CACNB2: variants seen among roughly 807,000 people sequenced by gnomAD.
CACNB2 encodes the protein voltage-dependent L-type calcium channel subunit beta-2.
A neutral mutation model predicts 73.3 loss-of-function variants in CACNB2; 42 were observed. That is an observed-to-expected ratio of 0.57 (90% CI 0.45 to 0.74). The LOEUF is 0.74. Among genes scored for constraint, CACNB2 ranks in the 30% least tolerant of loss-of-function variants. The pLI is 0.00. For missense variants in CACNB2, 940 were observed against 853.0 expected (o/e 1.10, Z -1.27); for synonymous variants, 348 against 310.3 (o/e 1.12, Z -1.28).
At chr10:18,194,540 A>T (rs975970741) in intron 2 of CACNB2, among the ~76,000 whole-genome samples, 9 of 152,206 alleles carry the variant, frequency 5.9e-5, no homozygotes, top group African/African-American at 2.2e-4. Context: ...AGGGCAACCA[A>T]CAAAGGCTTT....
chr10:18,528,655 A>G (rs888951414), intron 10 of CACNB2, among the ~76,000 whole-genome samples: 3 of 152,060 alleles, frequency 2.0e-5, no homozygotes, highest in African/African-American at 7.2e-5. Context: ...GATACATTAT[A>G]GAACTCAGTT....
At chr10:18,532,697 C>CAAAAA (rs1187679628) in intron 10 of CACNB2, among the ~76,000 whole-genome samples, 2 of 125,112 alleles carry the variant, frequency 1.6e-5, no homozygotes, top group East Asian at 2.1e-4. Context: ...AAAAAAAAAA[C>CAAAAA]AAAACAAAAA....
chr10:18,326,291 A>G (rs1460865092), intron 2 of CACNB2, among the ~76,000 whole-genome samples: 2 of 152,234 alleles, frequency 1.3e-5, no homozygotes, highest in Non-Finnish European at 2.9e-5. Context: ...TAATTAGTAG[A>G]TGTAAGGCAT....
Position 18,445,961 on chromosome 10 carries a change from G to C in CACNB2, c.333+43918G>C, listed in dbSNP as rs111977182. Among the ~76,000 whole-genome samples, 524 of 152,286 alleles carry C rather than the reference G, an allele frequency of 3.4e-3. 2 individuals carry two copies. Among genetic ancestry groups the C allele is most frequent in the African/African-American group, 0.012 (501 of 41,554 alleles). ...AGGCAGGAGAATCGCTTGAACCCAG[G>C]AGGAGGAGGTTTCAGTGAGCCAAGA... On this transcript the variant is annotated intron_variant, in intron 3 of 13. Transcript: ENST00000324631.
At chr10:18,512,309 G>T (rs565876800) in intron 6 of CACNB2, among the ~76,000 whole-genome samples, 1 of 152,078 alleles carries the variant, frequency 6.6e-6, no homozygotes, top group Non-Finnish European at 1.5e-5. Flanking sequence ...TTATTAGACA[G>T]ATTTCACTCG....
intron 2 of CACNB2, among the ~76,000 whole-genome samples, chr10:18,212,042 C>T (rs955592087): frequency 8.5e-5 from 13 of 152,134 alleles, no homozygotes; most frequent in African/African-American, 4.8e-5. Flanking sequence ...GGCCCAAATC[C>T]TCCAGGCCTC....
chr10:18,148,498 A>G (rs1252347282), intron 1 of CACNB2, among the ~76,000 whole-genome samples: 4 of 152,204 alleles, frequency 2.6e-5, no homozygotes, highest in South Asian at 2.1e-4. Flanking sequence ...AATGTGTTCA[A>G]CTTCTTGCAG....
intron 2 of CACNB2, among the ~76,000 whole-genome samples, chr10:18,315,160 C>A (rs983959166): frequency 6.6e-6 from 1 of 151,954 alleles, no homozygotes; most frequent in African/African-American, 2.4e-5. Context: ...AGTGAAACCC[C>A]ATCTCTACTT....
intron 3 of CACNB2, among the ~76,000 whole-genome samples, chr10:18,404,729 C>G (rs896316345): frequency 6.6e-6 from 1 of 152,134 alleles, no homozygotes; most frequent in Non-Finnish European, 1.5e-5. Context: ...AATAATACCT[C>G]TGTGAAATAA....
rs148417525 is a variant in CACNB2, at chr10:18,478,625, C to T, written c.334-19730C>T. Among the ~76,000 whole-genome samples, 73 of 152,196 alleles carry T rather than the reference C, an allele frequency of 4.8e-4. 1 individual carries two copies. The East Asian group carries it at 0.011, about 24-fold the overall frequency. On this transcript the variant is annotated intron_variant, in intron 3 of 13. Coordinates refer to ENST00000324631, the MANE Select transcript of CACNB2 (RefSeq NM_201596.3). ...CATGCAAATGTATTTAACATGCACACGGGGAGAATCTCAGATTACTTATTC... is the reference window on the plus strand; with the variant it reads ...CATGCAAATGTATTTAACATGCACATGGGGAGAATCTCAGATTACTTATTC...
intron 3 of CACNB2, among the ~76,000 whole-genome samples, chr10:18,481,830 G>A (rs1415458600): frequency 2.0e-5 from 3 of 152,292 alleles, no homozygotes; most frequent in African/African-American, 7.2e-5. Context: ...AGTGGCTACA[G>A]ATATGGACAG....
intron 3 of CACNB2, among the ~76,000 whole-genome samples, chr10:18,427,871 T>G (rs2045685737): frequency 1.3e-5 from 2 of 152,272 alleles, no homozygotes; most frequent in East Asian, 1.9e-4. Flanking sequence ...AATAATTCTA[T>G]TTTCTATTTC....
At chr10:18,169,730 A>G (rs1036338075) in intron 2 of CACNB2, among the ~76,000 whole-genome samples, 5 of 152,104 alleles carry the variant, frequency 3.3e-5, no homozygotes, top group African/African-American at 7.2e-5. Context: ...TACAGAACCA[A>G]TCTTCCCACT....
chr10:18,477,789 GA>G (rs2048514800), intron 3 of CACNB2, among the ~76,000 whole-genome samples: 1 of 152,214 alleles, frequency 6.6e-6, no homozygotes, highest in Non-Finnish European at 1.5e-5. Flanking sequence ...ACTTTACAAA[GA>G]TAAGATGGAC....
intron 3 of CACNB2, among the ~76,000 whole-genome samples, chr10:18,441,443 T>G (rs576554183): frequency 1.5e-4 from 23 of 152,260 alleles, no homozygotes; most frequent in Admixed American, 1.5e-3. Flanking sequence ...ACTATACGGC[T>G]TCCTTGATGG....
At chr10:18,533,338 C>T (rs1222645524) in intron 10 of CACNB2, 1 of 152,162 alleles carries the variant, frequency 6.6e-6, no homozygotes, top group African/African-American at 2.4e-5. Flanking sequence ...AGAATATTTC[C>T]CTCATTGCAG....
Position 18,189,559 on chromosome 10 carries a change from G to A in CACNB2, c.213+38584G>A, listed in dbSNP as rs569519049. On this transcript the variant is annotated intron_variant, in intron 2 of 13. Coordinates refer to ENST00000324631, the MANE Select transcript of CACNB2 (RefSeq NM_201596.3). ...GTTCAACAGAATTTTTTCTCCTAGC[G>A]TTTGCTATGGCAGGATACTATTTGA... Among the ~76,000 whole-genome samples the A allele has an allele frequency of 3.9e-4, 59 of 152,152 alleles. 1 individual carries two copies. Among genetic ancestry groups the A allele is most frequent in the South Asian group, 1.9e-3 (9 of 4,818 alleles).
At chr10:18,288,581 A>G (rs945668313) in intron 2 of CACNB2, among the ~76,000 whole-genome samples, 3 of 152,106 alleles carry the variant, frequency 2.0e-5, no homozygotes, top group Admixed American at 2.0e-4. Flanking sequence ...CAATTAGTCA[A>G]CCACAATTAT....
intron 2 of CACNB2, among the ~76,000 whole-genome samples, chr10:18,353,208 G>C (rs999727139): frequency 1.3e-5 from 2 of 152,048 alleles, no homozygotes; most frequent in African/African-American, 4.8e-5. Context: ...TCAGGAGTTC[G>C]AGACCACCCT....
Sources: allele counts gnomAD v4.1 joint callset (sites outside exome capture counted in the v4.1 genomes callset), GRCh38; gene constraint gnomAD v4.1.1; transcripts MANE v1.5; gene names NCBI Gene and HGNC (gene_info 2026-07-23, HGNC 2026-07-21).